Variants in FGF12 observed in about 807,000 individuals in gnomAD.
FGF12 encodes the protein fibroblast growth factor 12B.
FGF12 carries 14 observed loss-of-function variants against 23.6 expected under a neutral mutation model. The observed-to-expected ratio is 0.59, with a 90% CI of 0.39 to 0.93. The LOEUF is 0.93. Among genes scored for constraint, FGF12 ranks in the 40% least tolerant of loss-of-function variants. FGF12 has a pLI of 0.00. For synonymous variants in FGF12, 62 were observed against 77.3 expected, an observed-to-expected ratio of 0.80 and a Z score of 1.04; for missense variants, 175 against 217.8, an observed-to-expected ratio of 0.80 and a Z score of 1.24.
At chr3:192,727,018 G>A in intron 2 of FGF12, 163 bp downstream of exon 2, 4 of 809,976 alleles carry the variant, frequency 4.9e-6, no homozygotes, top group East Asian at 2.7e-5. Context: ...AAAAGAAGTC[G>A]CCTTCCTGCC....
intron 2 of FGF12, among the ~76,000 whole-genome samples, chr3:192,587,819 CTCA>C (rs1361788199): frequency 6.6e-6 from 1 of 151,762 alleles, no homozygotes; most frequent in Non-Finnish European, 1.5e-5. Context: ...GACCCTCTTT[CTCA>C]TCATATATAC....
chr3:192,170,147 T>A (rs1269866053), intron 5 of FGF12, among the ~76,000 whole-genome samples: 1 of 149,104 alleles, frequency 6.7e-6, no homozygotes, highest in Non-Finnish European at 1.5e-5. Context: ...TTTTTTTTTT[T>A]TTTAATAGGA....
chr3:192,671,271 T>G lies in FGF12; in HGVS notation c.13+55910A>C, dbSNP rs146902750. On this transcript the variant is annotated intron_variant, in intron 2 of 5. Transcript: ENST00000445105. ...TTGTTTTTGTGCTTTAGAAAAAACA[T>G]CTCTAGTAGTACAGTAAAATAATGT... 4.2e-3 allele frequency among the ~76,000 whole-genome samples: 632 copies of G among 152,222 alleles called. 4 individuals are homozygous for G. The highest frequency in any genetic ancestry group is 0.015 in the African/African-American group (607 of 41,534).
At chr3:192,358,027 C>T (rs1231642737) in intron 3 of FGF12, among the ~76,000 whole-genome samples, 2 of 151,974 alleles carry the variant, frequency 1.3e-5, no homozygotes, top group Non-Finnish European at 2.9e-5. Flanking sequence ...AAATATATTA[C>T]CATATACAAA....
Position 192,374,136 on chromosome 3 carries a change from G to A in FGF12, c.14-13598C>T, listed in dbSNP as rs112516145. 5.5e-3 allele frequency among the ~76,000 whole-genome samples: 838 copies of A among 152,316 alleles called. 8 individuals are homozygous for A. The highest frequency in any genetic ancestry group is 0.019 in the African/African-American group (802 of 41,584). ...AATGTATGTTGCATTTTGTTTAGGT[G>A]TTACAGAATCAAAAATACAAAAACA... On this transcript the variant is annotated intron_variant, in intron 2 of 5. Coordinates refer to ENST00000445105, the MANE Select transcript of FGF12 (RefSeq NM_004113.6).
intron 2 of FGF12, among the ~76,000 whole-genome samples, chr3:192,457,882 A>C (rs1239609938): frequency 6.6e-6 from 1 of 152,144 alleles, no homozygotes; most frequent in Non-Finnish European, 1.5e-5. Flanking sequence ...CAAGGAGAAA[A>C]AAGTGGTTTT....
At chr3:192,634,757 T>A (rs1715518077) in intron 2 of FGF12, among the ~76,000 whole-genome samples, 1 of 152,166 alleles carries the variant, frequency 6.6e-6, no homozygotes, top group African/African-American at 2.4e-5. Flanking sequence ...TACTTAAAAT[T>A]AATTAGCTAA....
chr3:192,234,757 T>C (rs780938193), intron 4 of FGF12, among the ~76,000 whole-genome samples: 3 of 152,202 alleles, frequency 2.0e-5, no homozygotes, highest in South Asian at 4.1e-4. Context: ...GGATGTGATG[T>C]TGAATTTTAT....
chr3:192,344,952 G>A (rs766024689), intron 3 of FGF12, among the ~76,000 whole-genome samples: 7 of 152,156 alleles, frequency 4.6e-5, no homozygotes, highest in East Asian at 1.9e-4. Flanking sequence ...CTTGGAGCCC[G>A]TCTGGTCTGA....
At chr3:192,294,669 G>A (rs758340652) in intron 4 of FGF12, among the ~76,000 whole-genome samples, 1 of 152,104 alleles carries the variant, frequency 6.6e-6, no homozygotes, top group Non-Finnish European at 1.5e-5. Flanking sequence ...TGTTTAACAT[G>A]CTTTTTTGCT....
At chr3:192,686,482 C>T (rs907599915) in intron 2 of FGF12, among the ~76,000 whole-genome samples, 1 of 152,134 alleles carries the variant, frequency 6.6e-6, no homozygotes, top group Non-Finnish European at 1.5e-5. Context: ...TCTCACCGAC[C>T]TCATGCCCCG....
chr3:192,697,966 T>C (rs970493346), intron 2 of FGF12, among the ~76,000 whole-genome samples: 5 of 151,918 alleles, frequency 3.3e-5, no homozygotes, highest in Non-Finnish European at 7.4e-5. Flanking sequence ...TAATGTCTCC[T>C]AAAATCCCCT....
intron 2 of FGF12, among the ~76,000 whole-genome samples, chr3:192,603,257 G>A (rs937395853): frequency 2.0e-5 from 3 of 152,106 alleles, no homozygotes; most frequent in Admixed American, 2.0e-4. Flanking sequence ...TCTCTTTGCT[G>A]ACAGTATCAT....
At chr3:192,431,120 C>T (rs1356683905) in intron 2 of FGF12, among the ~76,000 whole-genome samples, 1 of 152,134 alleles carries the variant, frequency 6.6e-6, no homozygotes, top group African/African-American at 2.4e-5. Context: ...AGAACTCCAA[C>T]ATAAATGAGA....
chr3:192,664,336 G>T (rs117753940), intron 2 of FGF12, among the ~76,000 whole-genome samples: 1 of 152,198 alleles, frequency 6.6e-6, no homozygotes, highest in East Asian at 1.9e-4. Context: ...CATGCCAAAT[G>T]AGTGAAACTC....
chr3:192,149,104 T>C (rs947591333), intron 5 of FGF12, among the ~76,000 whole-genome samples: 2 of 152,194 alleles, frequency 1.3e-5, no homozygotes. Flanking sequence ...GAAGAGTTAA[T>C]ATACTTAGTT....
Position 192,232,846 on chromosome 3 carries a change from T to TGCA in FGF12, c.229-62193_229-62191dup, listed in dbSNP as rs201224865. On this transcript the variant is annotated intron_variant, in intron 4 of 5. Coordinates refer to ENST00000445105, the MANE Select transcript of FGF12 (RefSeq NM_004113.6). ...TATTAACCTGCTTAGGATAATGGCCTGCAGCTTCATCCATGTTGCTGCAAA... is the reference window on the plus strand; with the variant it reads ...TATTAACCTGCTTAGGATAATGGCCTGCAGCAGCTTCATCCATGTTGCTGCAAA... 6.7e-3 allele frequency among the ~76,000 whole-genome samples: 1,019 copies of TGCA among 152,298 alleles called. 8 individuals carry two copies. The highest frequency in any genetic ancestry group is 0.011 in the Non-Finnish European group (732 of 68,032).
At chr3:192,214,637 C>T (rs528281360) in intron 4 of FGF12, among the ~76,000 whole-genome samples, 2 of 152,158 alleles carry the variant, frequency 1.3e-5, no homozygotes, top group Non-Finnish European at 2.9e-5. Context: ...AACTTACCCA[C>T]GAGCAGAAAT....
rs1288146586 is a variant in FGF12, at chr3:192,235,613, C to A, written c.229-64957G>T. 2.6e-5 allele frequency among the ~76,000 whole-genome samples: 4 copies of A among 152,242 alleles called. 1 individual carries two copies. The East Asian group carries it at 7.7e-4, about 29-fold the overall frequency. On this transcript the variant is annotated intron_variant, in intron 4 of 5. Coordinates refer to ENST00000445105, the MANE Select transcript of FGF12 (RefSeq NM_004113.6). ...CTGGGATTACAGGCGTGAGCCACTG[C>A]ACTTGGCCTCTTCTAGGTGTTTTAG...
Sources: allele counts gnomAD v4.1 joint callset (sites outside exome capture counted in the v4.1 genomes callset), GRCh38; gene constraint gnomAD v4.1.1; transcripts MANE v1.5; gene names NCBI Gene and HGNC (gene_info 2026-07-23, HGNC 2026-07-21).